The following EDIL3 variants were observed in gnomAD, a reference collection of about 807,000 sequenced individuals.
The protein encoded by EDIL3 is EGF-like repeat and discoidin I-like domain-containing protein 3.
EDIL3 carries 37 observed loss-of-function variants against 67.4 expected under a neutral mutation model. The ratio of observed to expected loss-of-function variants is 0.55; its 90% CI spans 0.42 to 0.72. The LOEUF (loss-of-function observed/expected upper bound fraction) is 0.72, where lower values mean the gene tolerates loss of function less well. Ranked by LOEUF, EDIL3 falls within the 30% of genes least tolerant of loss-of-function variation. The pLI is 0.00. For synonymous variants in EDIL3, 195 were observed against 196.3 expected, an observed-to-expected ratio of 0.99 and a Z score of 0.05; for missense variants, 527 against 586.3, an observed-to-expected ratio of 0.90 and a Z score of 1.04.
At position 84,180,206 on chromosome 5, in the gene EDIL3, T is replaced by C. The variant is rs116480478; in HGVS notation, c.355+187A>G. 2.9e-3 allele frequency among the ~76,000 whole-genome samples: 434 copies of C among 152,248 alleles called. 3 individuals are homozygous for C. The highest frequency in any genetic ancestry group is 0.01 in the African/African-American group (427 of 41,558). ...CAAACTTCCCATGCCACTGGGAGGA[T>C]TGAAACACAGTCTAGGAGTCCTCCA... On this transcript the variant is annotated intron_variant, in intron 4 of 10. Coordinates refer to ENST00000296591, the MANE Select transcript of EDIL3 (RefSeq NM_005711.5).
At chr5:84,329,053 T>C (rs1224469446) in intron 1 of EDIL3, among the ~76,000 whole-genome samples, 1 of 152,102 alleles carries the variant, frequency 6.6e-6, no homozygotes, top group Non-Finnish European at 1.5e-5. Flanking sequence ...AGGCAAAGTA[T>C]CCCCATTTTA....
chr5:84,060,515 A>G, intron 8 of EDIL3, 31 bp from the exon 9 acceptor site: 2 of 1,609,486 alleles, frequency 1.2e-6, no homozygotes, highest in Non-Finnish European at 1.7e-6. Flanking sequence ...CTCCATGAGA[A>G]AAATAATTGA....
At chr5:84,176,208 T>TATATATATA (rs1554071683) in intron 4 of EDIL3, among the ~76,000 whole-genome samples, 4 of 32,978 alleles carry the variant, frequency 1.2e-4, no homozygotes, top group African/African-American at 3.5e-4. Flanking sequence ...AATATATATA[T>TATATATATA]ATATATATAT....
At chr5:84,282,856 A>G (rs1182400538) in intron 1 of EDIL3, among the ~76,000 whole-genome samples, 1 of 152,078 alleles carries the variant, frequency 6.6e-6, no homozygotes, top group Non-Finnish European at 1.5e-5. Context: ...GGAAGGTGAA[A>G]TATGTAGTTA....
At chr5:84,081,197 G>A (rs1304608263) in intron 6 of EDIL3, among the ~76,000 whole-genome samples, 1 of 152,120 alleles carries the variant, frequency 6.6e-6, no homozygotes, top group Non-Finnish European at 1.5e-5. Flanking sequence ...TGTTTCTGAA[G>A]GGCTTCCACT....
At chr5:84,156,437 C>A (rs890742121) in intron 4 of EDIL3, among the ~76,000 whole-genome samples, 6 of 152,172 alleles carry the variant, frequency 3.9e-5, no homozygotes, top group Admixed American at 6.5e-5. Flanking sequence ...ACAATTCCCT[C>A]CTGTATGCTG....
intron 3 of EDIL3, among the ~76,000 whole-genome samples, chr5:84,213,886 C>CA (rs1004625471): frequency 6.6e-6 from 1 of 152,056 alleles, no homozygotes; most frequent in Non-Finnish European, 1.5e-5. Flanking sequence ...AATAACAATG[C>CA]AATAATGAGG....
chr5:84,062,339 C>G (rs57207585), intron 8 of EDIL3, among the ~76,000 whole-genome samples: 8,626 of 152,108 alleles, frequency 0.057, 816 homozygotes, highest in African/African-American at 0.2. Context: ...ATCCCACCCC[C>G]CAAGTCTTTG....
At chr5:84,373,064 A>G (rs1747887948) in intron 1 of EDIL3, among the ~76,000 whole-genome samples, 1 of 152,072 alleles carries the variant, frequency 6.6e-6, no homozygotes, top group African/African-American at 2.4e-5. Flanking sequence ...GCTCCAGGCC[A>G]TGTCCAGAAC....
intron 9 of EDIL3, among the ~76,000 whole-genome samples, chr5:83,968,221 G>A (rs1051181779): frequency 6.6e-6 from 1 of 151,984 alleles, no homozygotes; most frequent in African/African-American, 2.4e-5. Context: ...TAGTTAATGT[G>A]ATTAATAATC....
chr5:84,198,757 TA>T (rs10712040), intron 3 of EDIL3, among the ~76,000 whole-genome samples: 111,511 of 151,828 alleles, frequency 0.73, 41,608 homozygotes, highest in African/African-American at 0.86. Flanking sequence ...TCACATGTCA[TA>T]AAAAAATGTA....
At chr5:84,356,633 T>C (rs188878436) in intron 1 of EDIL3, among the ~76,000 whole-genome samples, 117 of 152,000 alleles carry the variant, frequency 7.7e-4, no homozygotes, top group Non-Finnish European at 1.4e-3. Flanking sequence ...TCAAGATTTG[T>C]AGCGTAATCA....
At chr5:84,260,292 CAGT>C (rs1474149891) in intron 1 of EDIL3, among the ~76,000 whole-genome samples, 1 of 152,134 alleles carries the variant, frequency 6.6e-6, no homozygotes, top group Non-Finnish European at 1.5e-5. Context: ...GAACTAGAAT[CAGT>C]GGTGTTAAAG....
At chr5:84,094,295 A>C (rs1209736902) in intron 6 of EDIL3, among the ~76,000 whole-genome samples, 1 of 152,338 alleles carries the variant, frequency 6.6e-6, no homozygotes, top group African/African-American at 2.4e-5. Context: ...ATCATAGTTT[A>C]AAAAATATCA....
chr5:84,099,665 A>G (rs1747326536), intron 6 of EDIL3, among the ~76,000 whole-genome samples: 1 of 152,206 alleles, frequency 6.6e-6, no homozygotes, highest in Non-Finnish European at 1.5e-5. Flanking sequence ...GGACATAGGC[A>G]TGGGCAAAGA....
intron 1 of EDIL3, among the ~76,000 whole-genome samples, chr5:84,359,338 A>C (rs1381684076): frequency 6.6e-6 from 1 of 152,234 alleles, no homozygotes; most frequent in Non-Finnish European, 1.5e-5. Flanking sequence ...ATTTAACTAG[A>C]TAAATGATTT....
chr5:83,980,659 G>A (rs1744954631), intron 9 of EDIL3, among the ~76,000 whole-genome samples: 1 of 141,214 alleles, frequency 7.1e-6, no homozygotes, highest in South Asian at 2.3e-4. Context: ...CTGCACTGAA[G>A]CCTGGTGAAA....
chr5:84,233,075 A>T (rs949835901), intron 2 of EDIL3, among the ~76,000 whole-genome samples: 5 of 152,226 alleles, frequency 3.3e-5, no homozygotes, highest in Admixed American at 1.3e-4. Context: ...ATTTAAACAC[A>T]TTCACCAAGA....
chr5:84,384,232 C>T, intron 1 of EDIL3, 76 bp downstream of exon 1: 1 of 1,537,602 alleles, frequency 6.5e-7, no homozygotes, highest in Non-Finnish European at 8.8e-7. Flanking sequence ...GGGACCGCCT[C>T]CGGCCCCCTG....
Sources: gnomAD v4.1 joint callset for allele counts (sites outside exome capture counted in the v4.1 genomes callset) on GRCh38, gnomAD v4.1.1 for gene constraint, MANE v1.5 for transcripts, NCBI Gene and HGNC (gene_info 2026-07-23, HGNC 2026-07-21) for gene names.